The following OSBPL9 variants were observed in gnomAD, a reference collection of about 807,000 sequenced individuals.
The protein encoded by OSBPL9 is oxysterol-binding protein-related protein 9.
OSBPL9 carries 40 observed loss-of-function variants against 106.6 expected under a neutral mutation model. The observed-to-expected ratio is 0.38, with a 90% CI of 0.29 to 0.49. The LOEUF (loss-of-function observed/expected upper bound fraction) is 0.49, where lower values mean the gene tolerates loss of function less well. Among genes scored for constraint, OSBPL9 ranks in the 20% least tolerant of loss-of-function variants. The probability of loss-of-function intolerance (pLI) is 0.97; values close to 1 mark genes in which losing one functional copy is unlikely to be tolerated. For missense variants in OSBPL9, 609 were observed against 887.2 expected, an observed-to-expected ratio of 0.69 and a Z score of 3.98; for synonymous variants, 269 against 295.4, an observed-to-expected ratio of 0.91 and a Z score of 0.92.
Position 51,782,553 on chromosome 1 carries a change from T to C in OSBPL9, c.1429-6T>C. On this transcript the variant is annotated splice_polypyrimidine_tract_variant and splice_region_variant and intron_variant, in intron 16 of 23. Transcript: ENST00000428468. ...CAAAAGAAAATTATGTTATATTTGC[T>C]TGCAGGAACTAGTTTCAGAAGGACC... 1.2e-6 allele frequency: 2 copies of C among 1,612,390 alleles called. No homozygotes were observed. Among genetic ancestry groups the C allele is most frequent in the Non-Finnish European group, 1.7e-6 (2 of 1,179,080 alleles).
At chr1:51,718,502 A>G (rs1009068464) in intron 4 of OSBPL9, among the ~76,000 whole-genome samples, 2 of 152,190 alleles carry the variant, frequency 1.3e-5, no homozygotes, top group African/African-American at 2.4e-5. Context: ...AAAAATTTAT[A>G]TATTGTTTTT....
rs148030131 is a variant in OSBPL9 at position 51,746,746 on chromosome 1, G to A, written c.451G>A (p.Glu151Lys). The A allele has an allele frequency of 3.1e-6, 5 of 1,606,886 alleles. No homozygotes were observed. Among genetic ancestry groups the A allele is most frequent in the African/African-American group, 1.3e-5 (1 of 74,520 alleles). Reference sequence around the variant, plus strand: ...CAAGCTTCAAAACTGCAAAGAAGATGAACAGAGAAAGGTAACTTCCATAAC... The same window carrying A: ...CAAGCTTCAAAACTGCAAAGAAGATAAACAGAGAAAGGTAACTTCCATAAC... The part of the protein sequence containing the change: ...DDKLQNCKED[E>K]QRKKIETLKE... Residue 151 changes from glutamate to lysine, a missense_variant, in exon 6 of 24, where the codon GAA (glutamate) becomes AAA (lysine). Glu to Lys is a moderately conservative substitution (Grantham distance 56). Transcript: ENST00000428468.
At chr1:51,714,111 C>T in intron 4 of OSBPL9, 32 bp downstream of exon 4, 1 of 1,472,388 alleles carries the variant, frequency 6.8e-7, no homozygotes, top group South Asian at 1.3e-5. Context: ...CCAGATAGTT[C>T]ATTAGTTGTT....
At chr1:51,724,242 G>T (rs1247122162) in intron 4 of OSBPL9, among the ~76,000 whole-genome samples, 1 of 151,980 alleles carries the variant, frequency 6.6e-6, no homozygotes. Flanking sequence ...TACTGTGCCT[G>T]ATCTCTCTCA....
At chr1:51,661,039 G>A (rs1358231991) in intron 2 of OSBPL9, among the ~76,000 whole-genome samples, 2 of 152,156 alleles carry the variant, frequency 1.3e-5, no homozygotes, top group Non-Finnish European at 2.9e-5. Context: ...CTAAAGAAGA[G>A]TAGTGACCTG....
chr1:51,731,442 GA>G (rs1664383305), intron 4 of OSBPL9, among the ~76,000 whole-genome samples: 1 of 152,016 alleles, frequency 6.6e-6, no homozygotes, highest in Non-Finnish European at 1.5e-5. Flanking sequence ...CAGAGAGCAA[GA>G]CTCTGTCTCA....
intron 2 of OSBPL9, among the ~76,000 whole-genome samples, chr1:51,662,571 T>C (rs1459148978): frequency 1.3e-5 from 2 of 151,964 alleles, no homozygotes; most frequent in African/African-American, 4.8e-5. Context: ...AATAAAGCAA[T>C]AAAAGACATA....
chr1:51,707,141 CT>C, intron 3 of OSBPL9: 1 of 385,922 alleles, frequency 2.6e-6, no homozygotes, highest in Non-Finnish European at 5.3e-6. Flanking sequence ...GCACTTACTC[CT>C]TGGAGGCCAT....
intron 1 of OSBPL9, among the ~76,000 whole-genome samples, chr1:51,582,182 A>G (rs1029387793): frequency 5.9e-5 from 9 of 152,218 alleles, no homozygotes; most frequent in Non-Finnish European, 7.3e-5. Flanking sequence ...CAAATTTTCC[A>G]GGTACCTGGA....
chr1:51,746,531 A>G (rs191900885), intron 5 of OSBPL9, among the ~76,000 whole-genome samples, 179 bp from the exon 6 acceptor site: 2 of 152,214 alleles, frequency 1.3e-5, no homozygotes, highest in Non-Finnish European at 2.9e-5. Context: ...GATTTCATAC[A>G]ATAGAATTTG....
intron 1 of OSBPL9, among the ~76,000 whole-genome samples, chr1:51,648,183 G>A (rs550692106): frequency 1.8e-4 from 28 of 152,274 alleles, no homozygotes; most frequent in Middle Eastern, 3.4e-3. Flanking sequence ...GATTGCTGGC[G>A]TTATGTCAGC....
At chr1:51,695,565 T>C (rs542973664) in intron 3 of OSBPL9, among the ~76,000 whole-genome samples, 1 of 152,158 alleles carries the variant, frequency 6.6e-6, no homozygotes, top group Non-Finnish European at 1.5e-5. Flanking sequence ...ATCTCCAAAC[T>C]GTGGAAAAGT....
intron 1 of OSBPL9, among the ~76,000 whole-genome samples, chr1:51,589,459 A>T (rs1645262406): frequency 6.6e-6 from 1 of 152,142 alleles, no homozygotes; most frequent in Non-Finnish European, 1.5e-5. Context: ...ATTATATCTT[A>T]AAAAGTTCAT....
intron 1 of OSBPL9, among the ~76,000 whole-genome samples, chr1:51,635,437 A>C (rs1345141759): frequency 6.6e-6 from 1 of 152,178 alleles, no homozygotes; most frequent in Non-Finnish European, 1.5e-5. Context: ...TGCAGATACA[A>C]GTCTCCCCTA....
chr1:51,579,826 G>A (rs1645210423), intron 1 of OSBPL9, among the ~76,000 whole-genome samples: 1 of 149,430 alleles, frequency 6.7e-6, no homozygotes. Context: ...CTGCACTCCA[G>A]CCTGGGCGAC....
intron 1 of OSBPL9, among the ~76,000 whole-genome samples, chr1:51,585,159 G>T (rs571785183): frequency 2.0e-4 from 26 of 130,470 alleles, no homozygotes; most frequent in Non-Finnish European, 3.5e-4. Flanking sequence ...TGGTGACAGA[G>T]TGAGGCCCCA....
At chr1:51,607,944 A>T (rs565450494) in intron 2 of OSBPL9, among the ~76,000 whole-genome samples, 1 of 152,362 alleles carries the variant, frequency 6.6e-6, no homozygotes, top group East Asian at 1.9e-4. Context: ...GGGGTTTTAT[A>T]CATTGGCATG....
chr1:51,689,604 A>T (rs1173319755), intron 3 of OSBPL9, among the ~76,000 whole-genome samples: 2 of 152,196 alleles, frequency 1.3e-5, no homozygotes, highest in Non-Finnish European at 2.9e-5. Flanking sequence ...TGGAGAAGGA[A>T]GGTTAATATT....
chr1:51,661,147 G>C (rs886236385), intron 2 of OSBPL9, among the ~76,000 whole-genome samples: 2 of 152,188 alleles, frequency 1.3e-5, no homozygotes, highest in African/African-American at 2.4e-5. Flanking sequence ...TGTGGTTGTA[G>C]AGTTATAATG....
Sources: allele counts gnomAD v4.1 joint callset (sites outside exome capture counted in the v4.1 genomes callset), GRCh38; gene constraint gnomAD v4.1.1; transcripts MANE v1.5; gene names NCBI Gene and HGNC (gene_info 2026-07-23, HGNC 2026-07-21).